Variants in CFAP96 observed in about 807,000 individuals in gnomAD.
CFAP96 encodes cilia-and flagella-associated protein 96.
chr4:185,446,073 T>A, the CFAP96 span, among the ~76,000 whole-genome samples: 1 of 152,100 alleles, frequency 6.6e-6, no homozygotes, highest in Non-Finnish European at 1.5e-5. Context: ...ACTCCCGACC[T>A]CAGGTGATCC....
At chr4:185,436,147 T>G in the CFAP96 span, 3 of 1,551,342 alleles carry the variant, frequency 1.9e-6, no homozygotes, top group Non-Finnish European at 2.6e-6. Context: ...GGAAAGAATT[T>G]ATACACAAAC....
chr4:185,443,349 T>A, the CFAP96 span, among the ~76,000 whole-genome samples: 4 of 115,606 alleles, frequency 3.5e-5, no homozygotes, highest in African/African-American at 9.7e-5. Flanking sequence ...TATATTTTTT[T>A]TTTTTTTTTT....
At chr4:185,440,659 A>G in the CFAP96 span, 1 of 1,511,344 alleles carries the variant, frequency 6.6e-7, no homozygotes, top group Non-Finnish European at 9.0e-7. Context: ...CACCAATTAA[A>G]AAAGAAGAGA....
chr4:185,449,625 C>T, the CFAP96 span: 1 of 1,543,120 alleles, frequency 6.5e-7, no homozygotes, highest in South Asian at 1.2e-5. Context: ...TACAAGACTT[C>T]TTCAGTACCA....
the CFAP96 span, chr4:185,440,685 CA>C: frequency 6.7e-7 from 1 of 1,492,676 alleles, no homozygotes; most frequent in Non-Finnish European, 9.1e-7. Context: ...AAAACAATTT[CA>C]AATACTTTTA....
At chr4:185,423,797 T>C in the CFAP96 span, among the ~76,000 whole-genome samples, 4 of 151,904 alleles carry the variant, frequency 2.6e-5, no homozygotes, top group Non-Finnish European at 4.4e-5. Context: ...TATTCATACA[T>C]ATATACATAC....
the CFAP96 span, chr4:185,425,783 T>A: frequency 1.3e-6 from 2 of 1,553,384 alleles, no homozygotes; most frequent in Non-Finnish European, 1.7e-6. Context: ...ACCAGCTCCT[T>A]TCAGGCGCTG....
At chr4:185,431,908 T>C in the CFAP96 span, 1 of 1,216,708 alleles carries the variant, frequency 8.2e-7, no homozygotes, top group Non-Finnish European at 1.1e-6. Context: ...TATTTGGAAA[T>C]TGTTATCTTA....
At chr4:185,433,404 AAAAAAAAAAGAAAAG>A in the CFAP96 span, among the ~76,000 whole-genome samples, 1 of 60,216 alleles carries the variant, frequency 1.7e-5, no homozygotes, top group Non-Finnish European at 4.9e-5. Flanking sequence ...CTCAAAAAAA[AAAAAAAAAAGAAAAG>A]AAAAGTAATG....
chr4:185,434,029 GACA>G, the CFAP96 span, among the ~76,000 whole-genome samples: 1 of 152,108 alleles, frequency 6.6e-6, no homozygotes, highest in Non-Finnish European at 1.5e-5. Flanking sequence ...GACCAGTCTG[GACA>G]ACATGACAAA....
the CFAP96 span, chr4:185,415,343 G>A: frequency 1.7e-5 from 27 of 1,575,962 alleles, no homozygotes; most frequent in East Asian, 2.5e-4. Context: ...AGGAGTTTAC[G>A]AACTCTGTGG....
chr4:185,418,069 A>ACACACACAC, the CFAP96 span, among the ~76,000 whole-genome samples: 3 of 22,784 alleles, frequency 1.3e-4, no homozygotes, highest in African/African-American at 3.8e-4. Context: ...CACACACACA[A>ACACACACAC]ACAACAGAAC....
At chr4:185,423,474 GAATCTCAGACTT>G in the CFAP96 span, among the ~76,000 whole-genome samples, 1 of 152,126 alleles carries the variant, frequency 6.6e-6, no homozygotes, top group South Asian at 2.1e-4. Flanking sequence ...TATGCATTTA[GAATCTCAGACTT>G]AGTCTAAGAA....
the CFAP96 span, among the ~76,000 whole-genome samples, chr4:185,427,295 C>G: frequency 3.9e-5 from 6 of 152,150 alleles, no homozygotes; most frequent in African/African-American, 1.4e-4. Flanking sequence ...TAAAGCATCT[C>G]TGATTAATGG....
chr4:185,443,947 T>C, the CFAP96 span, among the ~76,000 whole-genome samples: 1 of 65,088 alleles, frequency 1.5e-5, no homozygotes, highest in South Asian at 7.5e-4. Context: ...TTTTTTTTTT[T>C]TTTTTTTTTT....
the CFAP96 span, among the ~76,000 whole-genome samples, chr4:185,438,003 C>CT: frequency 0.08 from 12,056 of 150,952 alleles, 559 homozygotes; most frequent in South Asian, 0.14. Flanking sequence ...CCTCTGGCCA[C>CT]TTTTTTTTTC....
chr4:185,449,640 A>G, the CFAP96 span: 1 of 1,536,308 alleles, frequency 6.5e-7, no homozygotes, highest in Non-Finnish European at 8.8e-7. Flanking sequence ...GTACCATCCT[A>G]TTAGCAACTG....
the CFAP96 span, chr4:185,426,028 C>T: frequency 2.6e-6 from 2 of 755,566 alleles, no homozygotes; most frequent in South Asian, 1.8e-5. Flanking sequence ...CGTACCACAC[C>T]GCAGTCCCTC....
At chr4:185,440,610 A>G in the CFAP96 span, 3 of 1,536,854 alleles carry the variant, frequency 2.0e-6, no homozygotes, top group Non-Finnish European at 2.6e-6. Context: ...CCAAGGGACT[A>G]TTTTGACGCT....
Sources: gnomAD v4.1 joint callset for allele counts (sites outside exome capture counted in the v4.1 genomes callset) on GRCh38, gnomAD v4.1.1 for gene constraint, MANE v1.5 for transcripts, NCBI Gene and HGNC (gene_info 2026-07-23, HGNC 2026-07-21) for gene names.